Variants in ROBO1 observed in about 807,000 individuals in gnomAD.
ROBO1 encodes roundabout homolog 1.
A neutral mutation model predicts 195.9 loss-of-function variants in ROBO1; 149 were observed. The ratio of observed to expected loss-of-function variants is 0.76; its 90% CI spans 0.67 to 0.87. The LOEUF is 0.87. Ranked by LOEUF, ROBO1 falls within the 40% of genes least tolerant of loss-of-function variation. The pLI is 0.00. For missense variants in ROBO1, 1,933 were observed against 2,068.3 expected, an observed-to-expected ratio of 0.93 and a Z score of 1.27; for synonymous variants, 816 against 733.2, an observed-to-expected ratio of 1.11 and a Z score of -1.82.
intron 10 of ROBO1, among the ~76,000 whole-genome samples, chr3:78,676,171 T>C (rs982121464): frequency 3.3e-5 from 5 of 152,036 alleles, no homozygotes; most frequent in Non-Finnish European, 5.9e-5. Flanking sequence ...CAAAAACCCA[T>C]CTATACATCA....
intron 4 of ROBO1, among the ~76,000 whole-genome samples, chr3:78,884,568 AGAAAGAAAGAG>A (rs2036389779): frequency 2.0e-5 from 3 of 151,104 alleles, no homozygotes; most frequent in Non-Finnish European, 4.4e-5. Flanking sequence ...AGAGAAAGAG[AGAAAGAAAGAG>A]AGAAAGGGAG....
chr3:79,158,692 T>A (rs1398669094), intron 2 of ROBO1, among the ~76,000 whole-genome samples: 1 of 151,896 alleles, frequency 6.6e-6, no homozygotes, highest in African/African-American at 2.4e-5. Flanking sequence ...GTGACATATA[T>A]CTTTTCACCA....
At chr3:79,392,470 T>A (rs2036990387) in intron 2 of ROBO1, among the ~76,000 whole-genome samples, 1 of 152,126 alleles carries the variant, frequency 6.6e-6, no homozygotes, top group Admixed American at 6.6e-5. Flanking sequence ...AAGGCAGGAA[T>A]GATAGGAACT....
chr3:78,997,926 C>T (rs1299246428), intron 3 of ROBO1, among the ~76,000 whole-genome samples: 1 of 152,124 alleles, frequency 6.6e-6, no homozygotes, highest in Non-Finnish European at 1.5e-5. Context: ...AAGAGTAACA[C>T]ATAAAGACCT....
intron 2 of ROBO1, among the ~76,000 whole-genome samples, chr3:79,348,043 T>A (rs2035191262): frequency 1.3e-5 from 2 of 151,928 alleles, no homozygotes; most frequent in African/African-American, 4.8e-5. Context: ...GAAACCCGTC[T>A]CTACCAAAAA....
rs146391294 is a variant in ROBO1 at position 78,979,933 on chromosome 3, C to T, written c.173-41006G>A. Among the ~76,000 whole-genome samples the T allele has an allele frequency of 8.6e-3, 1,304 of 152,182 alleles. 25 individuals are homozygous for T. The highest frequency in any genetic ancestry group is 0.03 in the African/African-American group (1,249 of 41,520). On this transcript the variant is annotated intron_variant, in intron 3 of 30. Transcript: ENST00000464233. The stretch of plus-strand genomic sequence containing the variant: ...TAATCAACAGTAATAAAACTGCTTT[C>T]TAAAATAGAAAAAGCTTTTGATCTT...
chr3:79,012,758 G>A (rs1240876316), intron 3 of ROBO1, among the ~76,000 whole-genome samples: 3 of 152,132 alleles, frequency 2.0e-5, no homozygotes, highest in East Asian at 3.9e-4. Flanking sequence ...GACACCTTTC[G>A]GTGTTAGAAA....
At chr3:79,507,369 G>C (rs371405537) in intron 2 of ROBO1, among the ~76,000 whole-genome samples, 3 of 152,154 alleles carry the variant, frequency 2.0e-5, no homozygotes, top group African/African-American at 4.8e-5. Context: ...AGGGGTTTTT[G>C]TTCACTGACT....
intron 3 of ROBO1, among the ~76,000 whole-genome samples, chr3:79,068,762 CT>C (rs376816380): frequency 3.3e-5 from 5 of 151,856 alleles, no homozygotes; most frequent in African/African-American, 1.2e-4. Flanking sequence ...CTTATCAGCC[CT>C]TTAAAATTTT....
At chr3:78,631,130 CT>C (rs1705153535) in intron 25 of ROBO1, 30 bp downstream of exon 25, 4 of 1,592,620 alleles carry the variant, frequency 2.5e-6, no homozygotes, top group Non-Finnish European at 3.4e-6. Context: ...TCATATTACA[CT>C]GTTTACATCT....
chr3:79,566,003 T>C lies in ROBO1; in HGVS notation c.88+23821A>G, dbSNP rs547746896. ...CATTAGCCTACAGCAAATATATAAC[T>C]ATTGGACTCAGAGCACTTGTTTCCT... On this transcript the variant is annotated intron_variant, in intron 2 of 30. Transcript: ENST00000464233. Among the ~76,000 whole-genome samples, 7 of 152,210 alleles carry C rather than the reference T, an allele frequency of 4.6e-5. No individual in the cohort carries two copies. In the South Asian group the frequency reaches 1.0e-3, roughly 23 times the overall value.
At chr3:79,422,858 C>A (rs1389969453) in intron 2 of ROBO1, among the ~76,000 whole-genome samples, 1 of 152,112 alleles carries the variant, frequency 6.6e-6, no homozygotes, top group Non-Finnish European at 1.5e-5. Context: ...GTGGTACTCA[C>A]CTCCCACTCA....
At chr3:78,831,125 C>G (rs934903518) in intron 4 of ROBO1, among the ~76,000 whole-genome samples, 5 of 151,956 alleles carry the variant, frequency 3.3e-5, no homozygotes, top group Admixed American at 2.6e-4. Flanking sequence ...GTTGGCCAGG[C>G]TGGTCTCGAA....
Position 78,630,961 on chromosome 3 carries a change from T to C in ROBO1, c.3626+200A>G, listed in dbSNP as rs190218143. On this transcript the variant is annotated intron_variant, in intron 25 of 30. Coordinates refer to ENST00000464233, the MANE Select transcript of ROBO1 (RefSeq NM_002941.4). ...TATTCCATTCTAAGTTCCAAAAGAA[T>C]CTTTCAAAGCACAGATTGCTTTTTT... Among the ~76,000 whole-genome samples, 374 of 152,314 alleles carry C rather than the reference T, an allele frequency of 2.5e-3. 3 individuals are homozygous for C. The highest frequency in any genetic ancestry group is 4.1e-3 in the Admixed American group (63 of 15,292).
In ROBO1 at chr3:79,603,561, C is replaced by T. The variant is rs573380984; in HGVS notation, c.-50-13600G>A. On this transcript the variant is annotated intron_variant, in intron 1 of 30. Transcript: ENST00000464233. ...CGAGTGTTGGGTGTCACATGTTCAACCATCCCCATAACCCTAGGACGGGAA... is the reference window on the plus strand; with the variant it reads ...CGAGTGTTGGGTGTCACATGTTCAATCATCCCCATAACCCTAGGACGGGAA... Among the ~76,000 whole-genome samples, 9 of 152,066 alleles carry T rather than the reference C, an allele frequency of 5.9e-5. No homozygotes were observed. The South Asian group carries it at 1.0e-3, about 17-fold the overall frequency.
chr3:78,631,066 T>A, intron 25 of ROBO1, 95 bp downstream of exon 25: 1 of 1,275,064 alleles, frequency 7.8e-7, no homozygotes, highest in Non-Finnish European at 1.1e-6. Flanking sequence ...ACCTTAGGAA[T>A]CAGTCTTCTC....
intron 2 of ROBO1, among the ~76,000 whole-genome samples, chr3:79,508,875 T>C (rs923005257): frequency 2.6e-5 from 4 of 152,212 alleles, no homozygotes; most frequent in African/African-American, 9.6e-5. Flanking sequence ...TATTGGCATA[T>C]AATTGTTTAG....
intron 2 of ROBO1, among the ~76,000 whole-genome samples, chr3:79,184,876 C>A (rs1168282014): frequency 6.6e-6 from 1 of 152,134 alleles, no homozygotes; most frequent in Admixed American, 6.6e-5. Context: ...TCAACACAAC[C>A]CACAGCATCT....
intron 2 of ROBO1, among the ~76,000 whole-genome samples, chr3:79,179,410 T>C (rs1019494023): frequency 6.6e-6 from 1 of 152,242 alleles, no homozygotes; most frequent in African/African-American, 2.4e-5. Flanking sequence ...AACTGTGATT[T>C]AGAACTTAGT....
Sources: allele counts gnomAD v4.1 joint callset (sites outside exome capture counted in the v4.1 genomes callset), GRCh38; gene constraint gnomAD v4.1.1; transcripts MANE v1.5; gene names NCBI Gene and HGNC (gene_info 2026-07-23, HGNC 2026-07-21).